The following EYA1 variants were observed in gnomAD, a reference collection of about 807,000 sequenced individuals.
The protein encoded by EYA1 is protein phosphatase EYA1.
A neutral mutation model predicts 82.0 loss-of-function variants in EYA1; 16 were observed. The observed-to-expected ratio is 0.20, with a 90% CI of 0.13 to 0.30. The LOEUF is 0.30. Among genes scored for constraint, EYA1 ranks in the 10% least tolerant of loss-of-function variants. The probability of loss-of-function intolerance (pLI) is 1.00; values close to 1 mark genes in which losing one functional copy is unlikely to be tolerated. For synonymous variants in EYA1, 261 were observed against 264.4 expected (o/e 0.99, Z 0.12); for missense variants, 633 against 730.7 (o/e 0.87, Z 1.54).
At chr8:71,513,453 TTTTTTAA>T (rs1812745553) in intron 2 of EYA1, among the ~76,000 whole-genome samples, 1 of 152,114 alleles carries the variant, frequency 6.6e-6, no homozygotes, top group Non-Finnish European at 1.5e-5. Context: ...AAAATAATTC[TTTTTTAA>T]TTTTTAATTT....
At chr8:71,523,006 A>C (rs1813517096) in intron 2 of EYA1, among the ~76,000 whole-genome samples, 1 of 152,096 alleles carries the variant, frequency 6.6e-6, no homozygotes, top group South Asian at 2.1e-4. Context: ...CTTATGTTAA[A>C]ACTTTTCATT....
chr8:71,252,060 T>C, intron 11 of EYA1, among the ~76,000 whole-genome samples: 1 of 152,074 alleles, frequency 6.6e-6, no homozygotes, highest in African/African-American at 2.4e-5. Flanking sequence ...TACTAGATCA[T>C]CAGAGGACTG....
chr8:71,328,087 C>T (rs1823380568), intron 4 of EYA1, among the ~76,000 whole-genome samples: 2 of 152,012 alleles, frequency 1.3e-5, no homozygotes, highest in South Asian at 4.1e-4. Flanking sequence ...GACCTCCTGT[C>T]CTGGTGATCT....
chr8:71,308,583 C>G (rs1219376790), intron 7 of EYA1, among the ~76,000 whole-genome samples: 3 of 152,136 alleles, frequency 2.0e-5, no homozygotes, highest in African/African-American at 7.2e-5. Context: ...TACATCTTCA[C>G]TACCTCTTCG....
chr8:71,286,648 GATTC>G (rs1239859873), intron 9 of EYA1, among the ~76,000 whole-genome samples: 4 of 152,114 alleles, frequency 2.6e-5, no homozygotes, highest in African/African-American at 9.7e-5. Context: ...AATCAGGGAA[GATTC>G]CCACGTAGAA....
chr8:71,398,795 C>T lies in EYA1; in HGVS notation c.34-42284G>A, dbSNP rs143209256. Among the ~76,000 whole-genome samples, 1,114 of 152,312 alleles carry T rather than the reference C, an allele frequency of 7.3e-3. 3 individuals are homozygous for T. Among genetic ancestry groups the T allele is most frequent in the Non-Finnish European group, 0.013 (851 of 68,034 alleles). ...CTGTTCTCAGGTCTCAAACTCCGTG[C>T]TGGGAGAACCACTACTCTCTTCAAA... On this transcript the variant is annotated intron_variant, in intron 2 of 18. Transcript: ENST00000643681.
At chr8:71,406,460 T>G (rs904276570) in intron 2 of EYA1, among the ~76,000 whole-genome samples, 6 of 152,124 alleles carry the variant, frequency 3.9e-5, no homozygotes, top group African/African-American at 1.4e-4. Context: ...CCATCTGAGG[T>G]ACCGGGTTCA....
intron 3 of EYA1, among the ~76,000 whole-genome samples, chr8:71,341,665 G>C (rs537025313): frequency 5.3e-5 from 8 of 152,074 alleles, no homozygotes; most frequent in Non-Finnish European, 1.2e-4. Context: ...ATTCCTTTAT[G>C]TTTGGATTGG....
intron 2 of EYA1, among the ~76,000 whole-genome samples, chr8:71,476,408 C>T (rs1329609024): frequency 6.6e-6 from 1 of 152,012 alleles, no homozygotes; most frequent in Non-Finnish European, 1.5e-5. Context: ...AGTGCTTGAA[C>T]AATACACTTA....
At chr8:71,431,404 C>G (rs1302349655) in intron 2 of EYA1, among the ~76,000 whole-genome samples, 1 of 152,078 alleles carries the variant, frequency 6.6e-6, no homozygotes, top group Non-Finnish European at 1.5e-5. Context: ...GGCCCACAAG[C>G]CTGGACTAGA....
rs555434267 is a variant in EYA1 at position 71,199,484 on chromosome 8, T to C, written c.1699-64A>G. 1.5e-4 allele frequency: 171 copies of C among 1,138,804 alleles called. 1 individual carries two copies. The African/African-American group carries it at 2.4e-3, about 16-fold the overall frequency. 70.5% of individuals were successfully genotyped at this position (1,138,804 alleles called of 1,614,324 possible). On this transcript the variant is annotated intron_variant, in intron 17 of 17. Transcript: ENST00000340726. Reference sequence around the variant, plus strand: ...CCAGCGCCAGCCCTGCCAGCTTTTTTGGAAATCCACTCCCATGCTGACCCC... The same window carrying C: ...CCAGCGCCAGCCCTGCCAGCTTTTTCGGAAATCCACTCCCATGCTGACCCC...
intron 7 of EYA1, among the ~76,000 whole-genome samples, chr8:71,305,673 ATAAT>A (rs1820656668): frequency 6.9e-6 from 1 of 144,212 alleles, no homozygotes; most frequent in Non-Finnish European, 1.5e-5. Context: ...AAATAAATAA[ATAAT>A]TGTTAACAAT....
intron 2 of EYA1, among the ~76,000 whole-genome samples, chr8:71,382,750 C>G (rs760225709): frequency 1.3e-5 from 2 of 152,076 alleles, no homozygotes; most frequent in Non-Finnish European, 2.9e-5. Context: ...GCAGTCTACA[C>G]TTTCTAAATC....
At chr8:71,513,246 T>C (rs1242055155) in intron 2 of EYA1, among the ~76,000 whole-genome samples, 1 of 152,142 alleles carries the variant, frequency 6.6e-6, no homozygotes, top group East Asian at 1.9e-4. Context: ...GTATTTCATA[T>C]ACTTAAGATA....
chr8:71,534,049 T>C lies in EYA1; in HGVS notation c.33+1695A>G, dbSNP rs73294807. On this transcript the variant is annotated intron_variant, in intron 2 of 18. Transcript: ENST00000643681. Reference sequence around the variant, plus strand: ...TTAGTCTCAAATCTTACTTAATATCTTCTGTCTTAAATTAGAATTTGCATA... The same window carrying C: ...TTAGTCTCAAATCTTACTTAATATCCTCTGTCTTAAATTAGAATTTGCATA... Among the ~76,000 whole-genome samples the C allele has an allele frequency of 4.6e-3, 702 of 152,336 alleles. 8 individuals carry two copies. The highest frequency in any genetic ancestry group is 0.016 in the African/African-American group (666 of 41,570).
intron 4 of EYA1, among the ~76,000 whole-genome samples, chr8:71,329,774 C>A (rs7817242): frequency 0.11 from 16,514 of 152,098 alleles, 1,051 homozygotes; most frequent in African/African-American, 0.18. Context: ...AGAATCCCTG[C>A]CAACACAAGC....
At chr8:71,357,493 G>C (rs1043311699) in intron 1 of EYA1, among the ~76,000 whole-genome samples, 1 of 152,180 alleles carries the variant, frequency 6.6e-6, no homozygotes, top group Non-Finnish European at 1.5e-5. Context: ...CTCAGTAGGA[G>C]AGCATTCTGC....
chr8:71,482,822 A>G (rs1483286618), intron 2 of EYA1, among the ~76,000 whole-genome samples: 1 of 152,240 alleles, frequency 6.6e-6, no homozygotes, highest in African/African-American at 2.4e-5. Flanking sequence ...CATGAAATCA[A>G]AAGTAAAACA....
intron 17 of EYA1, among the ~76,000 whole-genome samples, chr8:71,203,425 A>G (rs1408703570): frequency 6.6e-6 from 1 of 152,226 alleles, no homozygotes; most frequent in Non-Finnish European, 1.5e-5. Context: ...AGAATTAAAA[A>G]GACAAATTCA....
Sources: gnomAD v4.1 joint callset for allele counts (sites outside exome capture counted in the v4.1 genomes callset) on GRCh38, gnomAD v4.1.1 for gene constraint, MANE v1.5 for transcripts, NCBI Gene and HGNC (gene_info 2026-07-23, HGNC 2026-07-21) for gene names.